Variants in LRP1B observed in about 807,000 individuals in gnomAD.
LRP1B encodes LDL receptor related protein 1B.
In LRP1B, 217 loss-of-function variants were observed where a neutral mutation model predicts 556.6. That is an observed-to-expected ratio of 0.39 (90% confidence interval 0.35 to 0.44). LRP1B has a LOEUF of 0.44. Among genes scored for constraint, LRP1B ranks in the 20% least tolerant of loss-of-function variants. The pLI is 1.00. For synonymous variants in LRP1B, 2,047 were observed against 1,865.8 expected (o/e 1.10, Z -2.50); for missense variants, 5,053 against 5,620.8 (o/e 0.90, Z 3.23).
chr2:141,123,246 A>AT (rs1481422541), intron 7 of LRP1B, among the ~76,000 whole-genome samples: 1 of 140,184 alleles, frequency 7.1e-6, no homozygotes, highest in African/African-American at 2.5e-5. Context: ...TATAATAAAA[A>AT]AAAATAAATA....
At chr2:140,549,451 C>T (rs1446624522) in intron 43 of LRP1B, among the ~76,000 whole-genome samples, 2 of 152,138 alleles carry the variant, frequency 1.3e-5, no homozygotes, top group Non-Finnish European at 2.9e-5. Flanking sequence ...GATGGGACTT[C>T]TGCTGCCAGC....
intron 2 of LRP1B, among the ~76,000 whole-genome samples, chr2:141,509,724 A>G (rs1169410503): frequency 6.6e-6 from 1 of 152,214 alleles, no homozygotes; most frequent in Non-Finnish European, 1.5e-5. Flanking sequence ...ATAACAACAT[A>G]GAATAAAGCA....
At chr2:141,991,598 C>T (rs893705941) in intron 1 of LRP1B, among the ~76,000 whole-genome samples, 4 of 152,044 alleles carry the variant, frequency 2.6e-5, no homozygotes, top group African/African-American at 9.7e-5. Flanking sequence ...GGACACAGTG[C>T]TCAGTAGCCT....
rs542228863 is a variant in LRP1B, at chr2:140,664,401, A to G, written c.6799+35849T>C. Among the ~76,000 whole-genome samples the G allele has an allele frequency of 1.0e-3, 154 of 152,278 alleles. 1 individual carries two copies. The highest frequency in any genetic ancestry group is 2.0e-3 in the Admixed American group (30 of 15,264). ...AAGAAAAGAGTCATAAATTGAAGAC[A>G]TATTGTCATTTAGGAATTTCTCTGT... On this transcript the variant is annotated intron_variant, in intron 41 of 90. Coordinates refer to ENST00000389484, the MANE Select transcript of LRP1B (RefSeq NM_018557.3).
chr2:140,945,580 A>G (rs1228660418), intron 20 of LRP1B, among the ~76,000 whole-genome samples: 1 of 152,180 alleles, frequency 6.6e-6, no homozygotes, highest in Admixed American at 6.5e-5. Context: ...CTGATCTTCA[A>G]CAAAGTCAAC....
chr2:140,871,408 A>G (rs919802916), intron 25 of LRP1B, among the ~76,000 whole-genome samples: 3 of 152,174 alleles, frequency 2.0e-5, no homozygotes, highest in Non-Finnish European at 2.9e-5. Context: ...TGTTAAGGAA[A>G]CAGAGAAAGG....
chr2:140,619,296 C>A (rs1683369993), intron 41 of LRP1B, among the ~76,000 whole-genome samples: 1 of 152,084 alleles, frequency 6.6e-6, no homozygotes, highest in African/African-American at 2.4e-5. Context: ...CTAAGTTTTT[C>A]TGTCCTGAAT....
At chr2:141,335,993 G>A (rs187996514) in intron 3 of LRP1B, among the ~76,000 whole-genome samples, 1 of 151,206 alleles carries the variant, frequency 6.6e-6, no homozygotes, top group East Asian at 1.9e-4. Flanking sequence ...TGACTTCTTT[G>A]TCTGGGATTG....
At chr2:140,533,314 A>T (rs1408677407) in intron 47 of LRP1B, among the ~76,000 whole-genome samples, 2 of 152,066 alleles carry the variant, frequency 1.3e-5, no homozygotes, top group African/African-American at 4.8e-5. Flanking sequence ...TTATTTAATT[A>T]TTTTTTCTAC....
At chr2:141,450,039 A>G (rs1681356588) in intron 3 of LRP1B, among the ~76,000 whole-genome samples, 1 of 152,198 alleles carries the variant, frequency 6.6e-6, no homozygotes, top group Non-Finnish European at 1.5e-5. Context: ...AACTATATCC[A>G]TATGCAAATG....
intron 83 of LRP1B, among the ~76,000 whole-genome samples, chr2:140,303,869 C>T (rs1683950005): frequency 6.6e-6 from 1 of 151,840 alleles, no homozygotes; most frequent in Non-Finnish European, 1.5e-5. Flanking sequence ...CCCAAGTGTC[C>T]TCATTGTTCA....
At chr2:140,592,106 C>T (rs187817457) in intron 43 of LRP1B, among the ~76,000 whole-genome samples, 78 of 152,184 alleles carry the variant, frequency 5.1e-4, no homozygotes, top group Non-Finnish European at 1.0e-3. Flanking sequence ...TTGTAAATTA[C>T]TTTTTCTATA....
At chr2:141,556,254 G>A (rs1311043166) in intron 2 of LRP1B, among the ~76,000 whole-genome samples, 1 of 151,858 alleles carries the variant, frequency 6.6e-6, no homozygotes, top group Admixed American at 6.6e-5. Context: ...GGGCATTGAA[G>A]CACTGACACT....
At chr2:140,464,671 G>A (rs1357330512) in intron 60 of LRP1B, among the ~76,000 whole-genome samples, 1 of 152,110 alleles carries the variant, frequency 6.6e-6, no homozygotes, top group East Asian at 1.9e-4. Flanking sequence ...AACTTTCTGG[G>A]CCATTGTGCT....
chr2:140,277,845 C>T lies in LRP1B; in HGVS notation c.12968-3247G>A, dbSNP rs191234557. Among the ~76,000 whole-genome samples, 428 of 151,970 alleles carry T rather than the reference C, an allele frequency of 2.8e-3. 2 individuals are homozygous for T. Among genetic ancestry groups the T allele is most frequent in the African/African-American group, 8.3e-3 (346 of 41,502 alleles). ...GCAATATCTCCTAAGTTTCAGCATA[C>T]GCACACCTTATGACCTAGCACTTCC... On this transcript the variant is annotated intron_variant, in intron 84 of 90. Coordinates refer to ENST00000389484, the MANE Select transcript of LRP1B (RefSeq NM_018557.3).
At chr2:140,805,164 GA>G (rs1482070939) in intron 32 of LRP1B, among the ~76,000 whole-genome samples, 1 of 151,918 alleles carries the variant, frequency 6.6e-6, no homozygotes, top group East Asian at 1.9e-4. Flanking sequence ...CACCTTTTTT[GA>G]CTGATCCCCA....
chr2:141,090,439 T>A (rs1700146745), intron 7 of LRP1B, among the ~76,000 whole-genome samples: 1 of 152,198 alleles, frequency 6.6e-6, no homozygotes, highest in African/African-American at 2.4e-5. Context: ...ATGAACTATT[T>A]TCTTGCTCTA....
At chr2:140,598,998 T>C (rs529058707) in intron 42 of LRP1B, among the ~76,000 whole-genome samples, 163 bp from the exon 43 acceptor site, 3 of 152,312 alleles carry the variant, frequency 2.0e-5, no homozygotes, top group Non-Finnish European at 2.9e-5. Context: ...ATGCATATTA[T>C]ATATGCATGT....
At chr2:141,980,155 T>TC (rs1391220999) in intron 1 of LRP1B, among the ~76,000 whole-genome samples, 1 of 152,144 alleles carries the variant, frequency 6.6e-6, no homozygotes, top group African/African-American at 2.4e-5. Flanking sequence ...ACTCTTGAGT[T>TC]ATTAGCAATG....
Sources: allele counts gnomAD v4.1 joint callset (sites outside exome capture counted in the v4.1 genomes callset), GRCh38; gene constraint gnomAD v4.1.1; transcripts MANE v1.5; gene names NCBI Gene and HGNC (gene_info 2026-07-23, HGNC 2026-07-21).